Variants in GABPB2 observed in about 807,000 individuals in gnomAD.
GABPB2 encodes the protein GA-binding protein subunit beta-2.
Under a neutral mutation model 39.1 loss-of-function variants are expected in GABPB2, and 23 were observed. That is an observed-to-expected ratio of 0.59 (90% CI 0.42 to 0.83). The LOEUF (loss-of-function observed/expected upper bound fraction) is 0.83. Ranked by LOEUF, GABPB2 falls within the 40% of genes least tolerant of loss-of-function variation. GABPB2 has a pLI of 0.00. For synonymous variants in GABPB2, 184 were observed against 199.3 expected, an observed-to-expected ratio of 0.92 and a Z score of 0.65; for missense variants, 467 against 541.1, an observed-to-expected ratio of 0.86 and a Z score of 1.36.
intron 7 of GABPB2, among the ~76,000 whole-genome samples, chr1:151,109,936 T>G (rs1361085002): frequency 6.7e-6 from 1 of 149,732 alleles, no homozygotes; most frequent in Non-Finnish European, 1.5e-5. Context: ...CCTTCCGGGT[T>G]CAAGTGATTC....
intron 5 of GABPB2, 83 bp downstream of exon 5, chr1:151,098,085 T>C: frequency 6.4e-6 from 7 of 1,092,016 alleles, no homozygotes; most frequent in Non-Finnish European, 9.5e-6. Context: ...ATGGATACCC[T>C]TTCTAATACT....
At chr1:151,089,210 GATTA>G (rs1211626207) in intron 2 of GABPB2, among the ~76,000 whole-genome samples, 1 of 152,092 alleles carries the variant, frequency 6.6e-6, no homozygotes. Flanking sequence ...ATTCTGGACT[GATTA>G]ATTGAGAGGC....
In GABPB2 at chr1:151,090,497, G is replaced by A. The variant is rs199584967; in HGVS notation, c.200G>A (p.Arg67Gln). 30 of 1,614,034 alleles carry A rather than the reference G, an allele frequency of 1.9e-5. No individual in the cohort carries two copies. The highest frequency in any genetic ancestry group is 6.7e-5 in the Admixed American group (4 of 59,984). ...LLRAGVSRDA[R>Q]TKVDRTPLHM... is the part of the protein sequence containing the mutation. ...CGAGCAGGTGTTAGCAGGGATGCCC[G>A]GACTAAAGTAGACAGGACCCCCTTG... is the stretch of plus-strand genomic sequence containing the variant. Residue 67 changes from arginine to glutamine, a missense_variant, in exon 3 of 9, where the codon CGG (arginine) becomes CAG (glutamine). By Grantham distance (43) the Arg-to-Gln change is conservative. Transcript: ENST00000368918.
At chr1:151,099,146 A>G (rs1160135993) in intron 5 of GABPB2, among the ~76,000 whole-genome samples, 1 of 151,770 alleles carries the variant, frequency 6.6e-6, no homozygotes, top group African/African-American at 2.4e-5. Context: ...TTCTATCTAA[A>G]TAAGAATGAA....
At chr1:151,079,214 A>G (rs587656592) in intron 1 of GABPB2, among the ~76,000 whole-genome samples, 2 of 152,240 alleles carry the variant, frequency 1.3e-5, no homozygotes, top group South Asian at 4.1e-4. Flanking sequence ...GTTGTCATTT[A>G]GTAGTATTGA....
At chr1:151,098,071 A>G (rs1571944224) in intron 5 of GABPB2, 69 bp downstream of exon 5, 2 of 1,314,012 alleles carry the variant, frequency 1.5e-6, no homozygotes, top group East Asian at 4.6e-5. Context: ...TTTCCAGGAG[A>G]TGAATGGATA....
chr1:151,102,696 C>T (rs1679631790), intron 5 of GABPB2, among the ~76,000 whole-genome samples: 2 of 152,146 alleles, frequency 1.3e-5, no homozygotes, highest in African/African-American at 2.4e-5. Flanking sequence ...TCCGCCTCGG[C>T]CTCCCAAAGT....
chr1:151,090,453 C>T lies in GABPB2; in HGVS notation c.156C>T (p.Ser52=), dbSNP rs145271934. ...LHLAAQYGHY[S]TAEVLLRAGV... ...TTGCAGCTCAATATGGTCATTATTC[C>T]ACAGCAGAAGTACTCCTTCGAGCAG... Residue 52 remains serine (S), a synonymous_variant, in exon 3 of 9, where the codon TCC becomes TCT. Coordinates refer to ENST00000368918, the MANE Select transcript of GABPB2 (RefSeq NM_144618.3). 2 of 1,613,864 alleles carry T rather than the reference C, an allele frequency of 1.2e-6. No individual in the cohort carries two copies. Among genetic ancestry groups the T allele is most frequent in the African/African-American group, 1.3e-5 (1 of 74,878 alleles).
At chr1:151,080,934 T>G (rs1441604575) in intron 1 of GABPB2, among the ~76,000 whole-genome samples, 4 of 142,260 alleles carry the variant, frequency 2.8e-5, no homozygotes, top group Non-Finnish European at 4.6e-5. Flanking sequence ...GTGCAGTGGC[T>G]CAATCTCGGC....
chr1:151,102,801 A>G (rs914351784), intron 5 of GABPB2, among the ~76,000 whole-genome samples: 5 of 152,148 alleles, frequency 3.3e-5, no homozygotes, highest in Non-Finnish European at 5.9e-5. Flanking sequence ...CTTCACATCT[A>G]TCTAGCTGAT....
chr1:151,079,996 C>T (rs370246140), intron 1 of GABPB2, among the ~76,000 whole-genome samples: 3 of 151,920 alleles, frequency 2.0e-5, no homozygotes, highest in African/African-American at 7.2e-5. Context: ...GCTGGTGGAT[C>T]GCGAGGTCAG....
At chr1:151,090,250 C>CT (rs923874730) in intron 2 of GABPB2, among the ~76,000 whole-genome samples, 156 bp from the exon 3 acceptor site, 1 of 152,100 alleles carries the variant, frequency 6.6e-6, no homozygotes, top group Non-Finnish European at 1.5e-5. Context: ...GGCCCCTGGC[C>CT]TTTAATTTGT....
intron 8 of GABPB2, 132 bp from the exon 9 acceptor site, chr1:151,117,825 C>A (rs935518701): frequency 2.3e-6 from 2 of 880,952 alleles, no homozygotes; most frequent in Admixed American, 4.8e-5. Flanking sequence ...CTCAGATAAT[C>A]TGCCTACCTC....
chr1:151,077,998 C>T lies in GABPB2; in HGVS notation c.-1+7064C>T, dbSNP rs587593822. ...GAATAATAAAAATAAAGGCCGGGCACGGTGGCTCACGCCTGTAATCCCAGC... is the reference window on the plus strand; with the variant it reads ...GAATAATAAAAATAAAGGCCGGGCATGGTGGCTCACGCCTGTAATCCCAGC... On this transcript the variant is annotated intron_variant, in intron 1 of 8. Transcript: ENST00000368918. 3.3e-5 allele frequency among the ~76,000 whole-genome samples: 5 copies of T among 151,324 alleles called. No homozygotes were observed. The East Asian group carries it at 9.8e-4, about 30-fold the overall frequency.
chr1:151,075,050 G>A (rs1315197870), intron 1 of GABPB2, among the ~76,000 whole-genome samples: 7 of 152,224 alleles, frequency 4.6e-5, no homozygotes, highest in African/African-American at 1.7e-4. Context: ...GGTGAGGCAG[G>A]AGAATTGCTT....
chr1:151,094,430 C>T (rs114433913), intron 4 of GABPB2, among the ~76,000 whole-genome samples: 5,342 of 148,668 alleles, frequency 0.036, 131 homozygotes, highest in South Asian at 0.085. Context: ...GGCACGATCT[C>T]GGCTCACTGC....
At position 151,079,999 on chromosome 1, in the gene GABPB2, G is replaced by A. The variant is rs956126825; in HGVS notation, c.1-8191G>A. On this transcript the variant is annotated intron_variant, in intron 1 of 8. Transcript: ENST00000368918. ...TGGGAGGCTGAGGCTGGTGGATCGC[G>A]AGGTCAGGAGTTCAAGACCAGCCTG... Among the ~76,000 whole-genome samples, 16 of 151,524 alleles carry A rather than the reference G, an allele frequency of 1.1e-4. 1 individual carries two copies. The highest frequency in any genetic ancestry group is 9.2e-4 in the Admixed American group (14 of 15,190).
intron 1 of GABPB2, among the ~76,000 whole-genome samples, chr1:151,083,332 C>T (rs1677880894): frequency 6.6e-6 from 1 of 152,138 alleles, no homozygotes; most frequent in African/African-American, 2.4e-5. Flanking sequence ...TGATAATTGG[C>T]AATAAATACT....
intron 6 of GABPB2, among the ~76,000 whole-genome samples, chr1:151,106,257 C>G (rs1558152884): frequency 6.6e-6 from 1 of 151,714 alleles, no homozygotes; most frequent in Non-Finnish European, 1.5e-5. Flanking sequence ...CCACCGTGCC[C>G]AGCCATTTTA....
Sources: gnomAD v4.1 joint callset for allele counts (sites outside exome capture counted in the v4.1 genomes callset) on GRCh38, gnomAD v4.1.1 for gene constraint, MANE v1.5 for transcripts, NCBI Gene and HGNC (gene_info 2026-07-23, HGNC 2026-07-21) for gene names.